Variants in CDH18 observed in about 807,000 individuals in gnomAD.
The protein encoded by CDH18 is cadherin-18.
Under a neutral mutation model 67.9 loss-of-function variants are expected in CDH18, and 31 were observed. That is an observed-to-expected ratio of 0.46 (90% CI 0.34 to 0.62). The LOEUF (loss-of-function observed/expected upper bound fraction) is 0.62. Ranked by LOEUF, CDH18 falls within the 20% of genes least tolerant of loss-of-function variation. The probability of loss-of-function intolerance (pLI) is 0.01; values close to 1 mark genes in which losing one functional copy is unlikely to be tolerated. For synonymous variants in CDH18, 362 were observed against 347.2 expected (o/e 1.04, Z -0.48); for missense variants, 890 against 975.5 (o/e 0.91, Z 1.17).
chr5:20,336,406 A>G (rs1173685441), intron 1 of CDH18, among the ~76,000 whole-genome samples: 3 of 152,112 alleles, frequency 2.0e-5, no homozygotes, highest in Non-Finnish European at 4.4e-5. Context: ...GTCTGCAGCT[A>G]ACAGGAAGAA....
chr5:20,315,499 A>G (rs1479595658), intron 1 of CDH18, among the ~76,000 whole-genome samples: 2 of 152,234 alleles, frequency 1.3e-5, no homozygotes. Context: ...TAAATCCTAT[A>G]GTGTAAAAGC....
intron 1 of CDH18, among the ~76,000 whole-genome samples, chr5:20,303,170 C>T (rs1481070999): frequency 1.3e-5 from 2 of 152,082 alleles, no homozygotes; most frequent in Non-Finnish European, 2.9e-5. Context: ...TTTTCATATG[C>T]GTGGGGTTGA....
chr5:20,457,456 AGAT>A (rs888493178), intron 1 of CDH18, among the ~76,000 whole-genome samples: 27 of 152,330 alleles, frequency 1.8e-4, no homozygotes, highest in African/African-American at 5.5e-4. Context: ...CTCATTTTAC[AGAT>A]GAGCAAATGG....
chr5:19,786,850 G>T (rs1370683999), intron 3 of CDH18, among the ~76,000 whole-genome samples: 1 of 152,008 alleles, frequency 6.6e-6, no homozygotes, highest in African/African-American at 2.4e-5. Context: ...GGCTGGGGGG[G>T]TGTTGGGGTA....
chr5:20,433,754 A>G (rs539817199), intron 1 of CDH18, among the ~76,000 whole-genome samples: 2 of 152,204 alleles, frequency 1.3e-5, no homozygotes, highest in African/African-American at 4.8e-5. Context: ...ACAAGTCTAA[A>G]TGAGAATTTA....
At chr5:19,694,953 G>T (rs1028488095) in intron 5 of CDH18, among the ~76,000 whole-genome samples, 1 of 151,894 alleles carries the variant, frequency 6.6e-6, no homozygotes, top group Non-Finnish European at 1.5e-5. Flanking sequence ...GATGAAAGCA[G>T]ACGTTTCCAT....
intron 2 of CDH18, among the ~76,000 whole-genome samples, chr5:19,844,860 T>G (rs1333703189): frequency 6.6e-6 from 1 of 152,204 alleles, no homozygotes; most frequent in African/African-American, 2.4e-5. Context: ...TTCCTACTTC[T>G]CCCTAAACCT....
intron 5 of CDH18, among the ~76,000 whole-genome samples, chr5:19,665,304 G>T (rs993936534): frequency 2.0e-5 from 3 of 151,922 alleles, no homozygotes; most frequent in African/African-American, 7.2e-5. Context: ...ATAAGTAAAA[G>T]AATAATTGGG....
intron 3 of CDH18, among the ~76,000 whole-genome samples, chr5:19,837,022 A>T (rs1781725864): frequency 6.6e-6 from 1 of 152,162 alleles, no homozygotes; most frequent in Non-Finnish European, 1.5e-5. Flanking sequence ...ATGCCCATCA[A>T]TGATAAACTG....
At chr5:20,231,262 C>T (rs1393106917) in intron 2 of CDH18, among the ~76,000 whole-genome samples, 1 of 152,046 alleles carries the variant, frequency 6.6e-6, no homozygotes, top group Non-Finnish European at 1.5e-5. Context: ...CATCAAAATT[C>T]TACAAAATTC....
intron 2 of CDH18, among the ~76,000 whole-genome samples, chr5:20,242,254 C>T (rs1201180676): frequency 6.6e-6 from 1 of 151,934 alleles, no homozygotes; most frequent in African/African-American, 2.4e-5. Flanking sequence ...AATAAACAAA[C>T]TTATCACCTA....
chr5:19,922,655 T>A (rs1263949010), intron 2 of CDH18, among the ~76,000 whole-genome samples: 1 of 152,228 alleles, frequency 6.6e-6, no homozygotes. Flanking sequence ...TTACTTTTAA[T>A]CTTTTTTCTA....
chr5:19,838,673 T>C lies in CDH18; in HGVS notation c.228+86A>G. On this transcript the variant is annotated intron_variant, in intron 3 of 12. Coordinates refer to ENST00000382275, the MANE Select transcript of CDH18 (RefSeq NM_004934.5). The stretch of plus-strand genomic sequence containing the variant: ...CAACATAATTTGCTTCATTTGTCTA[T>C]CTCTTCAAATATTTCTCCAACATGA... 3 of 857,034 alleles carry C rather than the reference T, an allele frequency of 3.5e-6. No homozygotes were observed. In the East Asian group the frequency reaches 7.8e-5, roughly 22 times the overall value. 53.1% of individuals were successfully genotyped at this position (857,034 alleles called of 1,614,324 possible).
At chr5:19,815,520 A>G (rs1779195602) in intron 3 of CDH18, among the ~76,000 whole-genome samples, 2 of 151,712 alleles carry the variant, frequency 1.3e-5, no homozygotes, top group Non-Finnish European at 3.0e-5. Flanking sequence ...TTAACCTAAA[A>G]TTCATTTCTT....
At chr5:19,975,804 T>C (rs1406474713) in intron 2 of CDH18, among the ~76,000 whole-genome samples, 1 of 152,186 alleles carries the variant, frequency 6.6e-6, no homozygotes, top group African/African-American at 2.4e-5. Context: ...TGACAAAGTG[T>C]CCTAGTTTAC....
At chr5:19,859,498 C>G (rs1784651513) in intron 2 of CDH18, among the ~76,000 whole-genome samples, 2 of 152,118 alleles carry the variant, frequency 1.3e-5, no homozygotes, top group Non-Finnish European at 2.9e-5. Flanking sequence ...CTTTCCAGGT[C>G]TTTTTCCTGA....
intron 2 of CDH18, among the ~76,000 whole-genome samples, chr5:19,927,026 T>A (rs964483099): frequency 1.3e-5 from 2 of 152,188 alleles, no homozygotes; most frequent in Admixed American, 1.3e-4. Flanking sequence ...TTTTAGTCAG[T>A]TGCCATACTG....
chr5:20,257,629 G>C (rs75819291), intron 1 of CDH18, among the ~76,000 whole-genome samples: 3,751 of 152,084 alleles, frequency 0.025, 163 homozygotes, highest in African/African-American at 0.084. Context: ...TTAGCATATT[G>C]ATAAAAATTC....
At chr5:20,135,783 T>C (rs1215475015) in intron 2 of CDH18, among the ~76,000 whole-genome samples, 4 of 152,176 alleles carry the variant, frequency 2.6e-5, no homozygotes, top group African/African-American at 4.8e-5. Context: ...GAGATTCTGG[T>C]ATGTTGTGTC....
Sources: gnomAD v4.1 joint callset for allele counts (sites outside exome capture counted in the v4.1 genomes callset) on GRCh38, gnomAD v4.1.1 for gene constraint, MANE v1.5 for transcripts, NCBI Gene and HGNC (gene_info 2026-07-23, HGNC 2026-07-21) for gene names.